Variants in SVIL observed in about 807,000 individuals in gnomAD.
SVIL encodes the protein archvillin.
Under a neutral mutation model 240.4 loss-of-function variants are expected in SVIL, and 101 were observed. That is an observed-to-expected ratio of 0.42 (90% CI 0.36 to 0.50). SVIL has a LOEUF of 0.50. Ranked by LOEUF, SVIL falls within the 20% of genes least tolerant of loss-of-function variation. The pLI is 0.01. For missense variants in SVIL, 2,512 were observed against 2,818.7 expected (o/e 0.89, Z 2.46); for synonymous variants, 999 against 1,100.0 (o/e 0.91, Z 1.82).
At chr10:29,569,774 A>G (rs1955291712) in intron 1 of SVIL, among the ~76,000 whole-genome samples, 3 of 152,204 alleles carry the variant, frequency 2.0e-5, no homozygotes, top group Admixed American at 6.5e-5. Flanking sequence ...GCAAAGGACA[A>G]CTCAGCTGTG....
chr10:29,733,712 C>G (rs1329161557), intron 1 of SVIL, among the ~76,000 whole-genome samples: 5 of 152,214 alleles, frequency 3.3e-5, no homozygotes, highest in Admixed American at 2.6e-4. Context: ...AGCCATTCTT[C>G]CCAGACTTTC....
intron 1 of SVIL, among the ~76,000 whole-genome samples, chr10:29,731,476 T>C (rs922229653): frequency 1.3e-5 from 2 of 152,232 alleles, no homozygotes; most frequent in Non-Finnish European, 1.5e-5. Context: ...TTGTAACTTT[T>C]ATGCATTTCA....
chr10:29,560,826 G>A (rs967426906), intron 3 of SVIL, among the ~76,000 whole-genome samples: 2 of 147,518 alleles, frequency 1.4e-5, no homozygotes, highest in African/African-American at 5.1e-5. Flanking sequence ...AAATTCAGGG[G>A]ACATGGGGCA....
At chr10:29,592,168 C>G (rs527602088) in intron 1 of SVIL, among the ~76,000 whole-genome samples, 1 of 152,274 alleles carries the variant, frequency 6.6e-6, no homozygotes, top group East Asian at 1.9e-4. Context: ...GGGAGAATTG[C>G]TTGAACCTGG....
chr10:29,476,993 G>A (rs967786581), intron 29 of SVIL, among the ~76,000 whole-genome samples: 1 of 152,034 alleles, frequency 6.6e-6, no homozygotes, highest in Non-Finnish European at 1.5e-5. Context: ...CTCCCGAGTA[G>A]CTGGGATTAT....
intron 18 of SVIL, among the ~76,000 whole-genome samples, chr10:29,497,798 A>G (rs2132426854): frequency 6.6e-6 from 1 of 152,252 alleles, no homozygotes; most frequent in African/African-American, 2.4e-5. Flanking sequence ...AAAAGTAATT[A>G]TGGGCTGGCG....
At chr10:29,489,356 C>A (rs1234661908) in intron 22 of SVIL, among the ~76,000 whole-genome samples, 1 of 152,176 alleles carries the variant, frequency 6.6e-6, no homozygotes, top group African/African-American at 2.4e-5. Context: ...ACTAATCCAA[C>A]CCCTGAGCCC....
chr10:29,690,023 C>T (rs1369454733), intron 1 of SVIL, among the ~76,000 whole-genome samples: 5 of 152,160 alleles, frequency 3.3e-5, no homozygotes, highest in African/African-American at 1.2e-4. Flanking sequence ...GAACTTTCTA[C>T]AGTGATTTTA....
At chr10:29,516,847 G>C (rs1950235558) in intron 16 of SVIL, among the ~76,000 whole-genome samples, 1 of 152,204 alleles carries the variant, frequency 6.6e-6, no homozygotes, top group African/African-American at 2.4e-5. Flanking sequence ...AACCCTGCTT[G>C]TTGAGAACAA....
At chr10:29,562,129 T>C (rs1332552132) in intron 3 of SVIL, among the ~76,000 whole-genome samples, 1 of 152,218 alleles carries the variant, frequency 6.6e-6, no homozygotes, top group Non-Finnish European at 1.5e-5. Context: ...TCTTTCAGAG[T>C]AGAAAAAATC....
At chr10:29,545,853 C>CA (rs755360700) in intron 6 of SVIL, among the ~76,000 whole-genome samples, 1,783 of 63,458 alleles carry the variant, frequency 0.028, 87 homozygotes, top group Non-Finnish European at 0.034. Context: ...GACTCTGTCT[C>CA]AAAAAAAAAA....
chr10:29,610,346 G>A (rs1957196853), intron 1 of SVIL, among the ~76,000 whole-genome samples: 1 of 151,710 alleles, frequency 6.6e-6, no homozygotes, highest in South Asian at 2.1e-4. Flanking sequence ...CACAGCATCT[G>A]TTCCTTCCAG....
intron 6 of SVIL, among the ~76,000 whole-genome samples, chr10:29,538,066 G>GGGCC (rs1441494856): frequency 2.0e-5 from 3 of 152,204 alleles, no homozygotes; most frequent in Non-Finnish European, 2.9e-5. Context: ...AGGGCAAGAG[G>GGGCC]GGCCAGCAGA....
chr10:29,727,140 G>A (rs1224245783), intron 1 of SVIL, among the ~76,000 whole-genome samples: 1 of 152,114 alleles, frequency 6.6e-6, no homozygotes, highest in Non-Finnish European at 1.5e-5. Flanking sequence ...CTAATTTCAA[G>A]GACCTTTCTT....
intron 16 of SVIL, among the ~76,000 whole-genome samples, chr10:29,519,870 C>G (rs2182401): frequency 0.44 from 66,682 of 152,110 alleles, 15,317 homozygotes; most frequent in African/African-American, 0.56. Context: ...GTGTGCTCAC[C>G]CATTCAATTC....
rs777491012 is a variant in SVIL, at chr10:29,530,627, C to T, written c.2086G>A (p.Ala696Thr). The T allele has an allele frequency of 1.8e-5, 29 of 1,613,924 alleles. No homozygotes were observed. The highest frequency in any genetic ancestry group is 1.1e-4 in the African/African-American group (8 of 74,890). Residue 696 changes from alanine (A) to threonine (T), a missense_variant, in exon 11 of 38, where the codon GCC becomes ACC. Physicochemically the swap from Ala to Thr is moderately conservative, Grantham distance 58. Coordinates refer to ENST00000355867, the MANE Select transcript of SVIL (RefSeq NM_021738.3). ...VDERAKLSVA[A>T]KRLLFREMEK... ...CTTACCCTGAAAAGCAACCTCTTGG[C>T]GGCGACGCTCAGCTTGGCTCGTTCA...
At chr10:29,645,554 A>C (rs1367100498) in intron 3 of SVIL, among the ~76,000 whole-genome samples, 1 of 152,190 alleles carries the variant, frequency 6.6e-6, no homozygotes, top group East Asian at 1.9e-4. Context: ...TGGGCGATAG[A>C]GTGAAACTCC....
chr10:29,506,777 A>AC (rs1949373213), intron 17 of SVIL, among the ~76,000 whole-genome samples: 2 of 94,024 alleles, frequency 2.1e-5, no homozygotes, highest in Non-Finnish European at 5.1e-5. Context: ...CCTAGAGGGA[A>AC]AGGACAGAGG....
chr10:29,509,521 T>C (rs894150995), intron 17 of SVIL, among the ~76,000 whole-genome samples: 1 of 152,178 alleles, frequency 6.6e-6, no homozygotes, highest in African/African-American at 2.4e-5. Flanking sequence ...AAGTTTCCTA[T>C]TCCCTGAGAT....
Sources: allele counts gnomAD v4.1 joint callset (sites outside exome capture counted in the v4.1 genomes callset), GRCh38; gene constraint gnomAD v4.1.1; transcripts MANE v1.5; gene names NCBI Gene and HGNC (gene_info 2026-07-23, HGNC 2026-07-21).